The following CALD1 variants were observed in gnomAD, a reference collection of about 807,000 sequenced individuals.
The protein encoded by CALD1 is caldesmon 1, also known as caldesmon.
Under a neutral mutation model 99.9 loss-of-function variants are expected in CALD1, and 33 were observed. The ratio of observed to expected loss-of-function variants is 0.33; its 90% CI spans 0.25 to 0.44. The LOEUF is 0.44. Ranked by LOEUF, CALD1 falls within the 20% of genes least tolerant of loss-of-function variation. The probability of loss-of-function intolerance (pLI) is 1.00; values close to 1 mark genes in which losing one functional copy is unlikely to be tolerated. For missense variants in CALD1, 861 were observed against 962.1 expected, an observed-to-expected ratio of 0.89 and a Z score of 1.39; for synonymous variants, 310 against 325.0, an observed-to-expected ratio of 0.95 and a Z score of 0.50.
intron 3 of CALD1, among the ~76,000 whole-genome samples, chr7:134,889,890 G>T (rs1017076500): frequency 9.9e-5 from 15 of 152,006 alleles, no homozygotes; most frequent in African/African-American, 3.4e-4. Context: ...TATAAACTAT[G>T]ACTTCATTTT....
the CALD1 span, among the ~76,000 whole-genome samples, chr7:134,728,123 G>A: frequency 8.9e-3 from 1 of 112 alleles, no homozygotes; most frequent in Non-Finnish European, 0.023. Flanking sequence ...ATGGTGATGA[G>A]TTCTTTGTGC....
intron 3 of CALD1, among the ~76,000 whole-genome samples, chr7:134,872,051 C>T (rs759053111): frequency 3.3e-5 from 5 of 152,174 alleles, no homozygotes; most frequent in African/African-American, 4.8e-5. Context: ...CAAATAACCT[C>T]GACTGCAAAC....
chr7:134,794,265 T>C (rs541744796), intron 1 of CALD1, among the ~76,000 whole-genome samples: 3 of 152,172 alleles, frequency 2.0e-5, no homozygotes, highest in Non-Finnish European at 4.4e-5. Flanking sequence ...TACGGAGGCA[T>C]GTTCTGTGTA....
intron 6 of CALD1, among the ~76,000 whole-genome samples, chr7:134,937,390 C>T (rs922218977): frequency 6.6e-6 from 1 of 152,206 alleles, no homozygotes; most frequent in African/African-American, 2.4e-5. Context: ...CCAGCCAGTT[C>T]CAAAACTTTT....
At chr7:134,750,907 T>C (rs1432917375) in intron 1 of CALD1, among the ~76,000 whole-genome samples, 1 of 152,226 alleles carries the variant, frequency 6.6e-6, no homozygotes, top group African/African-American at 2.4e-5. Context: ...GAATATCTTA[T>C]TGACATATCA....
At chr7:134,748,272 C>T (rs1796653115) in intron 1 of CALD1, among the ~76,000 whole-genome samples, 1 of 152,202 alleles carries the variant, frequency 6.6e-6, no homozygotes, top group Non-Finnish European at 1.5e-5. Flanking sequence ...GTTCACAGCT[C>T]AGGATGGATA....
At chr7:134,796,898 T>C (rs1797763951) in intron 1 of CALD1, among the ~76,000 whole-genome samples, 1 of 152,214 alleles carries the variant, frequency 6.6e-6, no homozygotes, top group Non-Finnish European at 1.5e-5. Flanking sequence ...TCCTCATCTT[T>C]AAAAGCAATA....
intron 2 of CALD1, among the ~76,000 whole-genome samples, chr7:134,848,402 C>T (rs906830572): frequency 6.6e-6 from 1 of 152,152 alleles, no homozygotes; most frequent in Admixed American, 6.5e-5. Flanking sequence ...TTTCAGGATG[C>T]TGGCTGTTTT....
chr7:134,790,897 G>T (rs1373680860), intron 1 of CALD1, among the ~76,000 whole-genome samples: 3 of 152,224 alleles, frequency 2.0e-5, no homozygotes, highest in Non-Finnish European at 4.4e-5. Flanking sequence ...AGAAAAGGCA[G>T]AGGATCAGTT....
At chr7:134,731,924 T>G in the CALD1 span, among the ~76,000 whole-genome samples, 1 of 152,200 alleles carries the variant, frequency 6.6e-6, no homozygotes, top group East Asian at 1.9e-4. Context: ...TTGTTTATTT[T>G]TTCCAATTTC....
chr7:134,899,201 C>A (rs916144019), intron 3 of CALD1, among the ~76,000 whole-genome samples: 2 of 149,306 alleles, frequency 1.3e-5, no homozygotes, highest in African/African-American at 4.9e-5. Flanking sequence ...ATGCTTCTTT[C>A]TTTTTCTTTT....
intron 1 of CALD1, among the ~76,000 whole-genome samples, chr7:134,768,319 A>G (rs1796845069): frequency 6.6e-6 from 1 of 152,182 alleles, no homozygotes; most frequent in South Asian, 2.1e-4. Flanking sequence ...GACTGGCCCC[A>G]TCAAAGTGGG....
chr7:134,825,612 T>G (rs1023897675), intron 1 of CALD1, among the ~76,000 whole-genome samples: 1 of 152,196 alleles, frequency 6.6e-6, no homozygotes, highest in African/African-American at 2.4e-5. Context: ...GTGAAGTCAT[T>G]TAGAGTTCAT....
intron 1 of CALD1, among the ~76,000 whole-genome samples, chr7:134,754,275 C>G (rs147760969): frequency 2.0e-5 from 3 of 152,106 alleles, no homozygotes; most frequent in Non-Finnish European, 2.9e-5. Context: ...ATGAGTAAGA[C>G]CATCTTCTTT....
chr7:134,761,471 T>TC, intron 1 of CALD1, among the ~76,000 whole-genome samples: 1 of 119,184 alleles, frequency 8.4e-6, no homozygotes, highest in South Asian at 3.6e-4. Context: ...AAACTGGCAG[T>TC]CAGGAGGTTA....
At chr7:134,905,339 T>C (rs1803291720) in intron 3 of CALD1, among the ~76,000 whole-genome samples, 1 of 152,126 alleles carries the variant, frequency 6.6e-6, no homozygotes, top group Non-Finnish European at 1.5e-5. Flanking sequence ...TATTAGTTCA[T>C]TTAATCCTTA....
chr7:134,947,895 G>A, intron 8 of CALD1, 126 bp downstream of exon 8: 3 of 1,162,230 alleles, frequency 2.6e-6, no homozygotes, highest in Non-Finnish European at 3.6e-6. Flanking sequence ...CATGTGCTAG[G>A]TACTGTTTTA....
intron 3 of CALD1, among the ~76,000 whole-genome samples, chr7:134,894,362 T>C (rs1324071967): frequency 6.6e-6 from 1 of 152,256 alleles, no homozygotes; most frequent in Non-Finnish European, 1.5e-5. Context: ...AGGAATGATT[T>C]TGAATCTTTG....
At chr7:134,840,226 T>C (rs1052417007) in intron 1 of CALD1, among the ~76,000 whole-genome samples, 2 of 152,206 alleles carry the variant, frequency 1.3e-5, no homozygotes, top group African/African-American at 4.8e-5. Context: ...TGATGCTAAA[T>C]AGAGGTCAAG....
Sources: gnomAD v4.1 joint callset for allele counts (sites outside exome capture counted in the v4.1 genomes callset) on GRCh38, gnomAD v4.1.1 for gene constraint, MANE v1.5 for transcripts, NCBI Gene and HGNC (gene_info 2026-07-23, HGNC 2026-07-21) for gene names.